Variants in LRP1B observed in about 807,000 individuals in gnomAD.
LRP1B encodes LDL receptor related protein 1B, also known as low-density lipoprotein receptor-related protein 1B.
LRP1B carries 217 observed loss-of-function variants against 556.6 expected under a neutral mutation model. The observed-to-expected ratio is 0.39, with a 90% CI of 0.35 to 0.44. LRP1B has a LOEUF of 0.44. LRP1B is among the 20% of genes least tolerant of loss of function. LRP1B has a pLI of 1.00. For missense variants in LRP1B, 5,053 were observed against 5,620.8 expected, an observed-to-expected ratio of 0.90 and a Z score of 3.23; for synonymous variants, 2,047 against 1,865.8, an observed-to-expected ratio of 1.10 and a Z score of -2.50.
In LRP1B at chr2:140,730,528, A is replaced by T. The variant is rs186619485; in HGVS notation, c.5759-13712T>A. Among the ~76,000 whole-genome samples the T allele has an allele frequency of 3.0e-3, 458 of 152,234 alleles. 3 individuals carry two copies. Among genetic ancestry groups the T allele is most frequent in the Middle Eastern group, 6.8e-3 (2 of 294 alleles). ...AATTAAACAGTTATAATACTTTCTTAATACTTTCTTCCCCATATTCAATTT... is the reference window on the plus strand; with the variant it reads ...AATTAAACAGTTATAATACTTTCTTTATACTTTCTTCCCCATATTCAATTT... On this transcript the variant is annotated intron_variant, in intron 35 of 90. Transcript: ENST00000389484.
chr2:140,640,427 G>C (rs1222953813), intron 41 of LRP1B, among the ~76,000 whole-genome samples: 1 of 83,634 alleles, frequency 1.2e-5, no homozygotes, highest in African/African-American at 4.7e-5. Flanking sequence ...ATGGCGTCTC[G>C]CTCTGTCGCC....
At chr2:141,020,162 T>G in intron 11 of LRP1B, 60 bp from the exon 12 acceptor site, 6 of 1,088,314 alleles carry the variant, frequency 5.5e-6, no homozygotes, top group Non-Finnish European at 7.6e-6. Context: ...AAATTAGTGT[T>G]CACTACTAAT....
At chr2:141,616,173 TGGGGAGGCTGA>T (rs934570009) in intron 2 of LRP1B, among the ~76,000 whole-genome samples, 10 of 151,806 alleles carry the variant, frequency 6.6e-5, no homozygotes, top group African/African-American at 2.4e-4. Flanking sequence ...TCCTAGCTAC[TGGGGAGGCTGA>T]GGCAGGAGAA....
intron 2 of LRP1B, among the ~76,000 whole-genome samples, chr2:141,517,658 T>C (rs942880348): frequency 3.9e-5 from 6 of 152,168 alleles, no homozygotes; most frequent in African/African-American, 1.4e-4. Flanking sequence ...GGTGTATTTG[T>C]TTAAAAGAAA....
At chr2:140,687,605 T>C (rs560159301) in intron 41 of LRP1B, among the ~76,000 whole-genome samples, 1 of 152,198 alleles carries the variant, frequency 6.6e-6, no homozygotes, top group East Asian at 1.9e-4. Context: ...TCTTTTAATA[T>C]ACTCTTTCTC....
intron 32 of LRP1B, among the ~76,000 whole-genome samples, chr2:140,789,155 A>G (rs1690017936): frequency 1.3e-5 from 2 of 152,212 alleles, no homozygotes; most frequent in Non-Finnish European, 2.9e-5. Flanking sequence ...ACTGTAGAAA[A>G]TATTAACAAG....
intron 1 of LRP1B, among the ~76,000 whole-genome samples, chr2:141,987,275 A>G (rs939399724): frequency 1.3e-5 from 2 of 152,004 alleles, no homozygotes; most frequent in Admixed American, 1.3e-4. Flanking sequence ...ATTGATATGT[A>G]TGTAATTATT....
chr2:141,178,685 G>C lies in LRP1B; in HGVS notation c.1013+9736C>G, dbSNP rs1033517984. Among the ~76,000 whole-genome samples the C allele has an allele frequency of 2.0e-5, 3 of 152,060 alleles. No homozygotes were observed. The South Asian group carries it at 6.2e-4, about 31-fold the overall frequency. On this transcript the variant is annotated intron_variant, in intron 7 of 90. Coordinates refer to ENST00000389484, the MANE Select transcript of LRP1B (RefSeq NM_018557.3). The stretch of plus-strand genomic sequence containing the variant: ...CTTCCATAGTATGATGCTGTCATGG[G>C]CAAGGAACTGCCTAACCAGATGACA...
At chr2:140,682,569 T>C (rs2105380446) in intron 41 of LRP1B, among the ~76,000 whole-genome samples, 1 of 152,108 alleles carries the variant, frequency 6.6e-6, no homozygotes. Flanking sequence ...AGAGAAGCTA[T>C]TAGGGAATAA....
intron 3 of LRP1B, among the ~76,000 whole-genome samples, chr2:141,341,723 A>G (rs904127139): frequency 2.0e-5 from 3 of 152,120 alleles, no homozygotes; most frequent in Non-Finnish European, 4.4e-5. Context: ...TGCCACAAAA[A>G]CCATTCATGA....
At chr2:140,911,338 A>C (rs2105238032) in intron 21 of LRP1B, among the ~76,000 whole-genome samples, 1 of 151,970 alleles carries the variant, frequency 6.6e-6, no homozygotes, top group Non-Finnish European at 1.5e-5. Flanking sequence ...GGAAAGAATT[A>C]GTTACTGGAA....
At chr2:141,081,478 A>C (rs1163235643) in intron 7 of LRP1B, among the ~76,000 whole-genome samples, 2 of 152,180 alleles carry the variant, frequency 1.3e-5, no homozygotes, top group Non-Finnish European at 2.9e-5. Flanking sequence ...TTCGTGTTTC[A>C]TAGGGTGCTC....
intron 18 of LRP1B, among the ~76,000 whole-genome samples, chr2:140,952,419 A>C (rs538756870): frequency 6.6e-6 from 1 of 152,308 alleles, no homozygotes; most frequent in South Asian, 2.1e-4. Flanking sequence ...GAAAGTTAAA[A>C]AAAAAATAAA....
chr2:140,264,533 C>T (rs1023387784), intron 86 of LRP1B, among the ~76,000 whole-genome samples: 11 of 152,136 alleles, frequency 7.2e-5, no homozygotes, highest in South Asian at 4.1e-4. Flanking sequence ...GGATTACAGG[C>T]GTGAGCCACC....
chr2:140,592,163 G>A (rs1459642732), intron 43 of LRP1B, among the ~76,000 whole-genome samples: 2 of 151,988 alleles, frequency 1.3e-5, no homozygotes, highest in African/African-American at 4.8e-5. Context: ...ACTTGGAAAA[G>A]TTATTTATAA....
chr2:140,355,128 T>G (rs1682150745), intron 75 of LRP1B, among the ~76,000 whole-genome samples: 1 of 151,894 alleles, frequency 6.6e-6, no homozygotes, highest in Non-Finnish European at 1.5e-5. Context: ...GAATGTAGTG[T>G]GCAGGTTATA....
At chr2:141,016,637 T>A (rs1697908589) in intron 12 of LRP1B, among the ~76,000 whole-genome samples, 2 of 152,080 alleles carry the variant, frequency 1.3e-5, no homozygotes, top group Non-Finnish European at 2.9e-5. Flanking sequence ...AAACAAATCT[T>A]TTGTAAAGCT....
chr2:141,983,071 G>T (rs973939710), intron 1 of LRP1B, among the ~76,000 whole-genome samples: 18 of 152,136 alleles, frequency 1.2e-4, no homozygotes, highest in African/African-American at 4.3e-4. Context: ...ATGATTTTCT[G>T]CAGCAAAATA....
At chr2:141,651,586 G>C (rs2105380170) in intron 2 of LRP1B, among the ~76,000 whole-genome samples, 1 of 152,230 alleles carries the variant, frequency 6.6e-6, no homozygotes, top group African/African-American at 2.4e-5. Context: ...AATTGCTTGA[G>C]CCCGGGAGGT....
Sources: allele counts gnomAD v4.1 joint callset (sites outside exome capture counted in the v4.1 genomes callset), GRCh38; gene constraint gnomAD v4.1.1; transcripts MANE v1.5; gene names NCBI Gene and HGNC (gene_info 2026-07-23, HGNC 2026-07-21).